RAD54L2: variants seen among roughly 807,000 people sequenced by gnomAD.
The protein encoded by RAD54L2 is RAD54 like 2.
A neutral mutation model predicts 138.4 loss-of-function variants in RAD54L2; 27 were observed. The observed-to-expected ratio is 0.20, with a 90% CI of 0.14 to 0.27. The LOEUF (loss-of-function observed/expected upper bound fraction) is 0.27, where lower values mean the gene tolerates loss of function less well. Among genes scored for constraint, RAD54L2 ranks in the 10% least tolerant of loss-of-function variants. The pLI, the probability that RAD54L2 is intolerant of heterozygous loss-of-function variation, is 1.00. For synonymous variants in RAD54L2, 644 were observed against 723.2 expected (o/e 0.89, Z 1.76); for missense variants, 1,396 against 1,890.2 (o/e 0.74, Z 4.85).
At chr3:51,564,059 G>A (rs1251466696) in intron 2 of RAD54L2, among the ~76,000 whole-genome samples, 2 of 152,212 alleles carry the variant, frequency 1.3e-5, no homozygotes, top group Non-Finnish European at 2.9e-5. Context: ...GAGTCTGCTG[G>A]CTATAGTATT....
chr3:51,570,770 C>T (rs1313485891), intron 2 of RAD54L2, among the ~76,000 whole-genome samples: 2 of 152,196 alleles, frequency 1.3e-5, no homozygotes, highest in Non-Finnish European at 2.9e-5. Context: ...TTTTAAGAAT[C>T]AATGTTTTGT....
chr3:51,608,401 C>T (rs1350789577), intron 3 of RAD54L2, among the ~76,000 whole-genome samples: 4 of 152,004 alleles, frequency 2.6e-5, no homozygotes, highest in African/African-American at 7.2e-5. Flanking sequence ...CAGGCAGAGA[C>T]GCTCCTCACT....
chr3:51,657,627 A>T lies in RAD54L2; in HGVS notation c.3274A>T (p.Ile1092Phe), dbSNP rs1173389722. 2.3e-5 allele frequency: 37 copies of T among 1,585,136 alleles called. No homozygotes were observed. The highest frequency in any genetic ancestry group is 3.0e-5 in the Non-Finnish European group (35 of 1,163,818). Reference sequence around the variant, plus strand: ...CAGCTCCACAGATGTACAGGCAAGAATTAATGCTGGTGAGAGCATCCACAT... The same window carrying T: ...CAGCTCCACAGATGTACAGGCAAGATTTAATGCTGGTGAGAGCATCCACAT... ...LNSSTDVQAR[I>F]NAGESIHIIR... is the part of the protein sequence containing the mutation. Residue 1092 changes from isoleucine (I) to phenylalanine (F), a missense_variant, in exon 21 of 23, where the codon ATT becomes TTT. Ile to Phe is a conservative substitution (Grantham distance 21). Around this residue, in one of 7 missense-constraint regions of RAD54L2, gnomAD observed 634 missense variants for 711.2 expected, o/e 0.89. Transcript: ENST00000684192.
At chr3:51,640,081 C>A in intron 14 of RAD54L2, 82 bp downstream of exon 14, 1 of 988,556 alleles carries the variant, frequency 1.0e-6, no homozygotes, top group Non-Finnish European at 1.5e-6. Flanking sequence ...CCAAGACCAC[C>A]CCCGCCTCCC....
rs58505964 is a variant in RAD54L2, at chr3:51,552,561, CT to C, written c.-55+10937del. ...ACAGGTGTGAGCCACTGCGCCTGGC[CT>C]TTTTTTTTTTTTTTTTTTTTTTTTT... On this transcript the variant is annotated intron_variant, in intron 2 of 22. Coordinates refer to ENST00000684192, the MANE Select transcript of RAD54L2 (RefSeq NM_015106.4). 2.8e-3 allele frequency among the ~76,000 whole-genome samples: 295 copies of C among 106,726 alleles called. 1 individual carries two copies. Among genetic ancestry groups the C allele is most frequent in the African/African-American group, 6.5e-3 (168 of 25,910 alleles). 70.0% of individuals were successfully genotyped at this position (106,726 alleles called of 152,430 possible). A position where few individuals can be genotyped will look rare whatever the true frequency, so the allele number is the denominator to read the frequency against.
intron 22 of RAD54L2, 85 bp downstream of exon 22, chr3:51,660,203 T>C (rs1289309774): frequency 1.0e-6 from 1 of 1,002,708 alleles, no homozygotes; most frequent in Non-Finnish European, 1.5e-6. Context: ...ATTATGTGAA[T>C]AGATAATATG....
chr3:51,622,538 C>T (rs1414507528), intron 3 of RAD54L2, among the ~76,000 whole-genome samples: 1 of 152,204 alleles, frequency 6.6e-6, no homozygotes, highest in African/African-American at 2.4e-5. Context: ...CCGAAACCGT[C>T]TCTCAGTTGA....
At chr3:51,640,086 C>A in intron 14 of RAD54L2, 87 bp downstream of exon 14, 1 of 977,632 alleles carries the variant, frequency 1.0e-6, no homozygotes, top group African/African-American at 1.6e-5. Flanking sequence ...ACCACCCCCG[C>A]CTCCCCCAAG....
chr3:51,627,930 G>C (rs1700730761), intron 4 of RAD54L2, among the ~76,000 whole-genome samples, 176 bp downstream of exon 4: 1 of 152,180 alleles, frequency 6.6e-6, no homozygotes, highest in East Asian at 1.9e-4. Context: ...CACTGGACTT[G>C]GGCATTCAGA....
At chr3:51,546,277 G>A (rs1553672249) in intron 2 of RAD54L2, among the ~76,000 whole-genome samples, 1 of 151,894 alleles carries the variant, frequency 6.6e-6, no homozygotes, top group African/African-American at 2.4e-5. Context: ...CAAAATAGCA[G>A]ACTGCAAAAA....
intron 3 of RAD54L2, among the ~76,000 whole-genome samples, chr3:51,607,979 C>T (rs1453777752): frequency 1.3e-5 from 2 of 150,560 alleles, no homozygotes; most frequent in Non-Finnish European, 3.0e-5. Context: ...GGCTGCCCCC[C>T]ACCTCCCGGG....
intron 16 of RAD54L2, among the ~76,000 whole-genome samples, chr3:51,644,294 A>C (rs547500462): frequency 6.6e-6 from 1 of 152,166 alleles, no homozygotes; most frequent in South Asian, 2.1e-4. Flanking sequence ...AAAATCAAAC[A>C]ATTAGCTGAG....
chr3:51,630,748 T>C lies in RAD54L2; in HGVS notation c.642T>C (p.Ile214=), dbSNP rs747614825. ...CTGGAGAGGAGGACACTCTGCACAT[T>C]GTGGACAGCAGTGAATCTGTCAGTG... is the stretch of plus-strand genomic sequence containing the variant. ...LSSGEEDTLH[I]VDSSESVSED... The change falls in exon 7 of 23, where the codon ATT becomes ATC. Residue 214 remains isoleucine, a synonymous_variant. Transcript: ENST00000684192. 1.2e-6 allele frequency: 2 copies of C among 1,614,020 alleles called. No individual in the cohort carries two copies. Among genetic ancestry groups the C allele is most frequent in the Admixed American group, 3.3e-5 (2 of 60,024 alleles).
intron 2 of RAD54L2, among the ~76,000 whole-genome samples, chr3:51,580,187 A>T (rs74330453): frequency 1.1e-4 from 16 of 152,174 alleles, no homozygotes; most frequent in Admixed American, 2.0e-4. Flanking sequence ...ACCCCTCCTC[A>T]GGTTTAATAA....
intron 3 of RAD54L2, among the ~76,000 whole-genome samples, chr3:51,594,860 CTTTTTT>C (rs71278623): frequency 6.3e-3 from 210 of 33,552 alleles, no homozygotes; most frequent in Non-Finnish European, 7.6e-3. Context: ...TTGATGGGCG[CTTTTTT>C]TTTTTTTTTT....
chr3:51,607,092 TA>T (rs1227869156), intron 3 of RAD54L2, among the ~76,000 whole-genome samples: 26 of 149,824 alleles, frequency 1.7e-4, no homozygotes, highest in African/African-American at 5.6e-4. Context: ...TTTTATTTTT[TA>T]TTTTTTTATT....
intron 15 of RAD54L2, 79 bp from the exon 16 acceptor site, chr3:51,643,796 A>T: frequency 8.8e-7 from 1 of 1,130,896 alleles, no homozygotes; most frequent in Non-Finnish European, 1.3e-6. Context: ...TTTGCTCTTT[A>T]AAACATATTT....
intron 3 of RAD54L2, among the ~76,000 whole-genome samples, chr3:51,615,034 A>G (rs1700413311): frequency 1.3e-5 from 2 of 151,008 alleles, no homozygotes; most frequent in Non-Finnish European, 1.5e-5. Flanking sequence ...TTTTTCTGTG[A>G]TGGAGTTTTG....
At chr3:51,621,209 T>G (rs1417416938) in intron 3 of RAD54L2, among the ~76,000 whole-genome samples, 2 of 152,198 alleles carry the variant, frequency 1.3e-5, no homozygotes, top group Non-Finnish European at 2.9e-5. Flanking sequence ...TACATGACAA[T>G]GAACTTTAAA....
Sources: gnomAD v4.1 joint callset for allele counts (sites outside exome capture counted in the v4.1 genomes callset) on GRCh38, gnomAD v4.1.1 for gene constraint, gnomAD v4.1.1 regional missense constraint, MANE v1.5 for transcripts, NCBI Gene and HGNC (gene_info 2026-07-23, HGNC 2026-07-21) for gene names.